The following PCM1 variants were observed in gnomAD, a reference collection of about 807,000 sequenced individuals.
The protein encoded by PCM1 is pericentriolar material 1.
A neutral mutation model predicts 241.9 loss-of-function variants in PCM1; 157 were observed. The ratio of observed to expected loss-of-function variants is 0.65; its 90% CI spans 0.57 to 0.74. PCM1 has a LOEUF of 0.74. PCM1 is among the 30% of genes least tolerant of loss of function. The pLI is 0.00. For missense variants in PCM1, 3,478 were observed against 2,360.1 expected (o/e 1.47, Z -9.81); for synonymous variants, 1,085 against 784.9 (o/e 1.38, Z -6.39).
intron 28 of PCM1, among the ~76,000 whole-genome samples, chr8:17,992,724 C>G (rs1230185962): frequency 6.6e-6 from 1 of 150,672 alleles, no homozygotes; most frequent in Non-Finnish European, 1.5e-5. Flanking sequence ...TCAAGTGATT[C>G]TCATGCCTCA....
At chr8:17,923,555 AG>A (rs577983520) in intron 1 of PCM1, among the ~76,000 whole-genome samples, 131 of 151,982 alleles carry the variant, frequency 8.6e-4, no homozygotes, top group African/African-American at 3.0e-3. Context: ...TTTGGGTGCT[AG>A]GGGCACTGGG....
At chr8:17,954,113 C>T (rs1287880086) in intron 9 of PCM1, among the ~76,000 whole-genome samples, 3 of 152,130 alleles carry the variant, frequency 2.0e-5, no homozygotes, top group African/African-American at 7.2e-5. Flanking sequence ...AGTTTTTATC[C>T]TTTACAAACA....
intron 32 of PCM1, among the ~76,000 whole-genome samples, chr8:18,010,871 G>A (rs1408548887): frequency 1.3e-5 from 2 of 152,170 alleles, no homozygotes; most frequent in Admixed American, 6.5e-5. Context: ...TATTCAGGAG[G>A]CTGAGACAGG....
At chr8:17,988,699 A>G (rs1395769575) in intron 26 of PCM1, among the ~76,000 whole-genome samples, 1 of 151,920 alleles carries the variant, frequency 6.6e-6, no homozygotes, top group Admixed American at 6.6e-5. Flanking sequence ...TGGGCAAGAG[A>G]TTTGAACAGG....
At position 17,937,129 on chromosome 8, in the gene PCM1, T is replaced by C. The variant is rs986613996; in HGVS notation, c.97-5T>C. ...ATGTTAATTTTTGCTTTTACTTTTT[T>C]AAAGGATTGGGGTGCCCAACAGAAG... On this transcript the variant is annotated splice_polypyrimidine_tract_variant and splice_region_variant and intron_variant, in intron 3 of 38. Transcript: ENST00000325083. The C allele has an allele frequency of 1.3e-6, 2 of 1,542,058 alleles. No homozygotes were observed. Among genetic ancestry groups the C allele is most frequent in the Non-Finnish European group, 1.7e-6 (2 of 1,143,434 alleles).
At chr8:18,017,647 A>G (rs893546121) in intron 36 of PCM1, among the ~76,000 whole-genome samples, 5 of 152,174 alleles carry the variant, frequency 3.3e-5, no homozygotes, top group African/African-American at 9.7e-5. Flanking sequence ...TGAGGTCGGG[A>G]GTTCAAGACC....
In PCM1 at chr8:17,928,616, C is replaced by CT. The variant is rs71215287; in HGVS notation, c.-23+3864dup. On this transcript the variant is annotated intron_variant, in intron 2 of 38. Transcript: ENST00000325083. ...TCTTCTGCATTTTTAGTATCTCCCT[C>CT]TTTTTTTTTTTTTTTTTTTTTTTTT... Among the ~76,000 whole-genome samples, 191 of 82,576 alleles carry CT rather than the reference C, an allele frequency of 2.3e-3. 3 individuals are homozygous for CT. Among genetic ancestry groups the CT allele is most frequent in the African/African-American group, 4.1e-3 (82 of 20,172 alleles). The allele number at this position is 82,576 out of a possible 152,430, so 54.2% of individuals were successfully genotyped here.
At chr8:18,026,220 T>C (rs1221351815) in intron 38 of PCM1, among the ~76,000 whole-genome samples, 1 of 146,670 alleles carries the variant, frequency 6.8e-6, no homozygotes, top group Non-Finnish European at 1.5e-5. Flanking sequence ...TGCCCATGGT[T>C]TAAGAAAGGT....
chr8:17,950,492 C>G, intron 7 of PCM1, 123 bp from the exon 8 acceptor site: 2 of 596,872 alleles, frequency 3.4e-6, no homozygotes, highest in South Asian at 2.2e-5. Context: ...GGATTGTTAA[C>G]TAGTTTCAAG....
chr8:18,007,650 G>T (rs2091702507), intron 30 of PCM1, among the ~76,000 whole-genome samples: 1 of 152,054 alleles, frequency 6.6e-6, no homozygotes, highest in South Asian at 2.1e-4. Context: ...TTCACAAGAG[G>T]ACATACATGA....
At chr8:17,981,415 T>A (rs1347191659) in intron 24 of PCM1, among the ~76,000 whole-genome samples, 1 of 152,186 alleles carries the variant, frequency 6.6e-6, no homozygotes, top group Admixed American at 6.5e-5. Flanking sequence ...GTAAACCTAT[T>A]TTGTTGCCTT....
intron 36 of PCM1, among the ~76,000 whole-genome samples, chr8:18,024,592 G>A (rs531521829): frequency 5.3e-5 from 8 of 152,092 alleles, no homozygotes; most frequent in Non-Finnish European, 8.8e-5. Context: ...TTGAAATTAA[G>A]TCAAAGGTAG....
At position 18,014,773 on chromosome 8, in the gene PCM1, A is replaced by C; in HGVS notation, c.5774A>C (p.Gln1925Pro). Residue 1925 changes from glutamine to proline, a missense_variant, in exon 36 of 39, where the codon CAG (glutamine) becomes CCG (proline). Coordinates refer to ENST00000325083, the MANE Select transcript of PCM1 (RefSeq NM_006197.4). ...AGAGTCAAAGAAGTTAAATCTGCTC[A>C]GGAAACTCCTGAAAGCTCTCTGGCT... ...VPRVKEVKSA[Q>P]ETPESSLAGS... 1 of 1,610,792 alleles carries C rather than the reference A, an allele frequency of 6.2e-7. No individual in the cohort carries two copies. Among genetic ancestry groups the C allele is most frequent in the Non-Finnish European group, 8.5e-7 (1 of 1,179,388 alleles).
Position 18,025,347 on chromosome 8 carries a change from TCATTA to T in PCM1, c.5842-6_5842-2del, listed in dbSNP as rs780389570. The stretch of plus-strand genomic sequence containing the variant: ...GATCTAGAGTATGTATTTTTTTTTT[TCATTA>T]CATTACAGGAAGCAGAATCTGGTAA... On this transcript the variant is annotated splice_polypyrimidine_tract_variant and intron_variant, in intron 36 of 38. Coordinates refer to ENST00000325083, the MANE Select transcript of PCM1 (RefSeq NM_006197.4). 2.1e-6 allele frequency: 3 copies of T among 1,422,866 alleles called. No individual in the cohort carries two copies. Among genetic ancestry groups the T allele is most frequent in the Non-Finnish European group, 2.9e-6 (3 of 1,019,512 alleles). The allele number at this position is 1,422,866 out of a possible 1,614,324, so 88.1% of individuals were successfully genotyped here.
At position 18,011,244 on chromosome 8, in the gene PCM1, A is replaced by T. The variant is rs777958990; in HGVS notation, c.5228A>T (p.Asp1743Val). 1 of 1,603,166 alleles carries T rather than the reference A, an allele frequency of 6.2e-7. No homozygotes were observed. Among genetic ancestry groups the T allele is most frequent in the Non-Finnish European group, 8.5e-7 (1 of 1,174,548 alleles). ...AAATATTTTTGTGTCTAGGACAAGG[A>T]TGAAACTGAAACAGTTAAGCAGACT... ...GEIDDEDKDK[D>V]ETETVKQTQT... The change falls in exon 33 of 39, where the codon GAT (aspartate) becomes GTT (valine). Residue 1743 changes from aspartate to valine, a missense_variant. Physicochemically the swap from Asp to Val is radical, Grantham distance 152. Coordinates refer to ENST00000325083, the MANE Select transcript of PCM1 (RefSeq NM_006197.4).
At chr8:17,927,013 C>T (rs1193725730) in intron 2 of PCM1, 2 of 151,974 alleles carry the variant, frequency 1.3e-5, no homozygotes, top group East Asian at 3.9e-4. Context: ...AACCATGCGC[C>T]AGTTACTGTC....
rs1307049035 is a variant in PCM1 at position 17,935,715 on chromosome 8, C to G, written c.96+9C>G. ...ACAGGCTCAACAATATGGTATGATT[C>G]CTTACTCTTCATGGTGTGTTGTTGG... On this transcript the variant is annotated intron_variant, in intron 3 of 38. Coordinates refer to ENST00000325083, the MANE Select transcript of PCM1 (RefSeq NM_006197.4). The G allele has an allele frequency of 6.6e-6, 8 of 1,211,296 alleles. No individual in the cohort carries two copies. Among genetic ancestry groups the G allele is most frequent in the Non-Finnish European group, 9.8e-6 (8 of 813,582 alleles). The allele number at this position is 1,211,296 out of a possible 1,614,324, so 75.0% of individuals were successfully genotyped here.
chr8:17,928,542 A>G lies in PCM1; in HGVS notation c.-23+3762A>G, dbSNP rs111767437. Among the ~76,000 whole-genome samples, 42 of 147,430 alleles carry G rather than the reference A, an allele frequency of 2.8e-4. 1 individual carries two copies. Among genetic ancestry groups the G allele is most frequent in the African/African-American group, 7.0e-4 (28 of 39,810 alleles). On this transcript the variant is annotated intron_variant, in intron 2 of 38. Transcript: ENST00000325083. ...CATTTGTCTTTTGCTCTAGACCCCA[A>G]TGGCCCCCGCTTTCTCAGAGCCCAC... is the stretch of plus-strand genomic sequence containing the variant.
rs530540046 is a variant in PCM1 at position 18,000,749 on chromosome 8, G to A, written c.4828-5514G>A. Among the ~76,000 whole-genome samples the A allele has an allele frequency of 2.0e-5, 3 of 152,210 alleles. No individual in the cohort carries two copies. The South Asian group carries it at 6.2e-4, about 32-fold the overall frequency. On this transcript the variant is annotated intron_variant, in intron 29 of 38. Transcript: ENST00000325083. ...CGATTCTCCCACCTCAGCCTCCCAA[G>A]TATCTGGGACTACAGGTGCCTGTCA...
Sources: gnomAD v4.1 joint callset for allele counts (sites outside exome capture counted in the v4.1 genomes callset) on GRCh38, gnomAD v4.1.1 for gene constraint, MANE v1.5 for transcripts, NCBI Gene and HGNC (gene_info 2026-07-23, HGNC 2026-07-21) for gene names.